The following STAG1 variants were observed in gnomAD, a reference collection of about 807,000 sequenced individuals.
STAG1 encodes cohesin subunit SA-1.
A neutral mutation model predicts 170.9 loss-of-function variants in STAG1; 26 were observed. The observed-to-expected ratio is 0.15, with a 90% confidence interval of 0.11 to 0.21. STAG1 has a LOEUF of 0.21. Among genes scored for constraint, STAG1 ranks in the 10% least tolerant of loss-of-function variants. The pLI is 1.00. For synonymous variants in STAG1, 514 were observed against 497.7 expected (o/e 1.03, Z -0.44); for missense variants, 964 against 1,509.5 (o/e 0.64, Z 5.99).
intron 1 of STAG1, among the ~76,000 whole-genome samples, chr3:136,729,570 CTTTTTTTTTTTT>C (rs34078029): frequency 2.1e-5 from 2 of 94,668 alleles, no homozygotes; most frequent in African/African-American, 4.6e-5. Flanking sequence ...TGTAGTTTTC[CTTTTTTTTTTTT>C]TTTTTTTTTT....
intron 28 of STAG1, among the ~76,000 whole-genome samples, chr3:136,355,505 G>T (rs1274764368): frequency 6.6e-6 from 1 of 151,670 alleles, no homozygotes; most frequent in African/African-American, 2.4e-5. Flanking sequence ...TAATGAATAG[G>T]ACAACTAAGC....
chr3:136,443,670 T>C (rs2088695434), intron 14 of STAG1, among the ~76,000 whole-genome samples: 1 of 152,202 alleles, frequency 6.6e-6, no homozygotes, highest in Non-Finnish European at 1.5e-5. Flanking sequence ...AAACAGAGCA[T>C]AGCTAGTTAG....
chr3:136,551,597 T>C (rs1326893697), intron 5 of STAG1, among the ~76,000 whole-genome samples: 5 of 150,554 alleles, frequency 3.3e-5, no homozygotes, highest in Non-Finnish European at 5.9e-5. Context: ...AATTTCTGAA[T>C]AGTTCATGTG....
At chr3:136,463,309 A>G (rs1344437141) in intron 13 of STAG1, among the ~76,000 whole-genome samples, 2 of 152,196 alleles carry the variant, frequency 1.3e-5, no homozygotes, top group Non-Finnish European at 2.9e-5. Flanking sequence ...AAGTGAGTAG[A>G]GAACAATTTG....
chr3:136,473,453 T>C lies in STAG1; in HGVS notation c.1125+86A>G, dbSNP rs2089673428. ...TAATAAAGAATATGAACTAAACACT[T>C]GTATGATAATGTAATTTGCTAAACT... On this transcript the variant is annotated intron_variant, in intron 11 of 33. Transcript: ENST00000383202. 7.0e-6 allele frequency: 7 copies of C among 994,710 alleles called. No individual in the cohort carries two copies. In the Admixed American group the frequency reaches 1.5e-4, roughly 21 times the overall value. 61.6% of individuals were successfully genotyped at this position (994,710 alleles called of 1,614,324 possible).
chr3:136,721,476 T>C lies in STAG1; in HGVS notation c.-84+30719A>G, dbSNP rs142581871. 2.3e-4 allele frequency: 35 copies of C among 152,362 alleles called. No homozygotes were observed. In the East Asian group the frequency reaches 3.1e-3, roughly 13 times the overall value. 9.4% of individuals were successfully genotyped at this position (152,362 alleles called of 1,614,324 possible). ...TCTATATGGTTCCCATTTTAGTGTA[T>C]GTGCTGCCAAAGTGAGCACTCTTTT... is the stretch of plus-strand genomic sequence containing the variant. On this transcript the variant is annotated intron_variant, in intron 1 of 33. Transcript: ENST00000383202.
At chr3:136,692,433 G>A (rs180775976) in intron 1 of STAG1, among the ~76,000 whole-genome samples, 11 of 151,424 alleles carry the variant, frequency 7.3e-5, no homozygotes, top group African/African-American at 1.5e-4. Context: ...TCAAGAGTTC[G>A]AGACCAGCCT....
chr3:136,698,265 G>C (rs1057220055), intron 1 of STAG1, among the ~76,000 whole-genome samples: 2 of 151,962 alleles, frequency 1.3e-5, no homozygotes, highest in Non-Finnish European at 2.9e-5. Context: ...TCTGACAAAG[G>C]ACTAGTATCC....
At chr3:136,690,541 C>G (rs1350117071) in intron 1 of STAG1, among the ~76,000 whole-genome samples, 1 of 152,002 alleles carries the variant, frequency 6.6e-6, no homozygotes, top group Non-Finnish European at 1.5e-5. Flanking sequence ...CCGGCCAAAT[C>G]CTATTTGTTC....
At chr3:136,634,216 G>A (rs66471262) in intron 1 of STAG1, among the ~76,000 whole-genome samples, 11,866 of 151,854 alleles carry the variant, frequency 0.078, 483 homozygotes, top group Non-Finnish European at 0.094. Flanking sequence ...ACCAGGCGTG[G>A]TGGCACACAC....
chr3:136,627,657 G>A (rs1003659188), intron 2 of STAG1, among the ~76,000 whole-genome samples: 1 of 152,162 alleles, frequency 6.6e-6, no homozygotes, highest in Admixed American at 6.5e-5. Flanking sequence ...GATATATGCA[G>A]TGAAAATGAC....
intron 1 of STAG1, among the ~76,000 whole-genome samples, chr3:136,690,532 C>G (rs1942687010): frequency 6.6e-6 from 1 of 152,194 alleles, no homozygotes; most frequent in South Asian, 2.1e-4. Flanking sequence ...CCACCGTACC[C>G]GGCCAAATCC....
At chr3:136,412,008 C>T (rs1473084236) in intron 21 of STAG1, among the ~76,000 whole-genome samples, 1 of 147,470 alleles carries the variant, frequency 6.8e-6, no homozygotes, top group Non-Finnish European at 1.5e-5. Context: ...GGTGACAGAA[C>T]GAGACTTCGT....
At chr3:136,355,695 C>T (rs908078575) in intron 28 of STAG1, among the ~76,000 whole-genome samples, 1 of 151,978 alleles carries the variant, frequency 6.6e-6, no homozygotes, top group African/African-American at 2.4e-5. Context: ...AAACAAGCCT[C>T]AATAAATTTA....
At chr3:136,730,751 T>C (rs1933995605) in intron 1 of STAG1, among the ~76,000 whole-genome samples, 1 of 152,220 alleles carries the variant, frequency 6.6e-6, no homozygotes, top group Non-Finnish European at 1.5e-5. Context: ...ACACTTTCCT[T>C]TGGCACTTCA....
chr3:136,526,984 C>G (rs1254477849), intron 6 of STAG1, among the ~76,000 whole-genome samples: 1 of 152,170 alleles, frequency 6.6e-6, no homozygotes, highest in Non-Finnish European at 1.5e-5. Context: ...ATGGGCTTCC[C>G]TTTGTGGGTA....
intron 14 of STAG1, among the ~76,000 whole-genome samples, chr3:136,446,952 C>T (rs958385747): frequency 1.3e-5 from 2 of 151,328 alleles, no homozygotes; most frequent in Non-Finnish European, 2.9e-5. Flanking sequence ...AGGTGCATCC[C>T]ACCACGCCAC....
At chr3:136,457,959 A>G (rs1236563186) in intron 13 of STAG1, among the ~76,000 whole-genome samples, 1 of 152,020 alleles carries the variant, frequency 6.6e-6, no homozygotes, top group Non-Finnish European at 1.5e-5. Flanking sequence ...ACAAACAAAC[A>G]AAAAAACCCC....
intron 12 of STAG1, among the ~76,000 whole-genome samples, chr3:136,469,616 C>G (rs1444618600): frequency 2.0e-5 from 3 of 152,154 alleles, no homozygotes; most frequent in Admixed American, 6.6e-5. Flanking sequence ...ACTTTCTTCA[C>G]AGAATTGGAA....
Sources: allele counts gnomAD v4.1 joint callset (sites outside exome capture counted in the v4.1 genomes callset), GRCh38; gene constraint gnomAD v4.1.1; transcripts MANE v1.5; gene names NCBI Gene and HGNC (gene_info 2026-07-23, HGNC 2026-07-21).